Variants in NUP214 observed in about 807,000 individuals in gnomAD.
NUP214 encodes the protein nucleoporin 214.
Under a neutral mutation model 196.2 loss-of-function variants are expected in NUP214, and 79 were observed. The observed-to-expected ratio is 0.40, with a 90% CI of 0.34 to 0.49. The LOEUF is 0.49. Ranked by LOEUF, NUP214 falls within the 20% of genes least tolerant of loss-of-function variation. The pLI is 0.58. For missense variants in NUP214, 2,468 were observed against 2,539.0 expected (o/e 0.97, Z 0.60); for synonymous variants, 1,020 against 990.5 (o/e 1.03, Z -0.56).
Position 131,159,492 on chromosome 9 carries a change from T to G in NUP214, c.2540+6T>G, listed in dbSNP as rs1355596735. ...GAACAAAAGAAAAAACAAAGGTGAA[T>G]GAGATCTCTCATCTGCAATGTGTTG... On this transcript the variant is annotated splice_donor_region_variant and intron_variant, in intron 18 of 35. Coordinates refer to ENST00000359428, the MANE Select transcript of NUP214 (RefSeq NM_005085.4). The G allele has an allele frequency of 6.3e-7, 1 of 1,591,596 alleles. No homozygotes were observed. Among genetic ancestry groups the G allele is most frequent in the Non-Finnish European group, 8.6e-7 (1 of 1,159,770 alleles).
chr9:131,223,711 T>TTTTTTTATTTA (rs1554742594), intron 32 of NUP214, among the ~76,000 whole-genome samples: 1 of 27,152 alleles, frequency 3.7e-5, no homozygotes, highest in African/African-American at 9.4e-5. Flanking sequence ...TTTTTTTTAT[T>TTTTTTTATTTA]TTTATTTATT....
Position 131,146,445 on chromosome 9 carries a change from C to A in NUP214, c.1945+141C>A, listed in dbSNP as rs1832089149. 5 of 820,060 alleles carry A rather than the reference C, an allele frequency of 6.1e-6. No homozygotes were observed. The highest frequency in any genetic ancestry group is 9.6e-6 in the Non-Finnish European group (5 of 520,534). 50.8% of individuals were successfully genotyped at this position (820,060 alleles called of 1,614,324 possible). ...GTATCATACATTAATGATTAATGTG[C>A]TGTGATTTTCATACTCTGAATTGGG... On this transcript the variant is annotated intron_variant, in intron 13 of 35. Coordinates refer to ENST00000359428, the MANE Select transcript of NUP214 (RefSeq NM_005085.4). The surrounding 1 kb of genome is among the most constrained non-coding windows in gnomAD (Gnocchi z 4.6).
At position 131,234,411 on chromosome 9, in the gene NUP214, T is replaced by TA; in HGVS notation, c.*924_*925insA. The TA allele has an allele frequency of 4.3e-6, 1 of 232,418 alleles. No homozygotes were observed. The highest frequency in any genetic ancestry group is 1.8e-4 in the South Asian group (1 of 5,512). 14.4% of individuals were successfully genotyped at this position (232,418 alleles called of 1,614,324 possible). On this transcript the variant is annotated 3_prime_UTR_variant, in exon 36 of 36. Coordinates refer to ENST00000359428, the MANE Select transcript of NUP214 (RefSeq NM_005085.4). ...CGGCCCAGAGCTCATCACTGCAGTT[T>TA]TATTAGAGTGCTTCTTTATCTTTAA...
Position 131,186,819 on chromosome 9 carries a change from C to T in NUP214, c.3420-470C>T, listed in dbSNP as rs115574442. On this transcript the variant is annotated intron_variant, in intron 24 of 35. Transcript: ENST00000359428. ...TCCCTTGGATGCTGACCTGGTGAGC[C>T]CTGGAGATAGCTGCTGTGAGAAGCT... Among the ~76,000 whole-genome samples the T allele has an allele frequency of 2.3e-3, 347 of 152,240 alleles. 4 individuals are homozygous for T. Among genetic ancestry groups the T allele is most frequent in the African/African-American group, 8.0e-3 (333 of 41,536 alleles).
At chr9:131,170,136 A>G (rs1832913298) in intron 21 of NUP214, among the ~76,000 whole-genome samples, 1 of 152,178 alleles carries the variant, frequency 6.6e-6, no homozygotes, top group African/African-American at 2.4e-5. Flanking sequence ...TGTACACTTT[A>G]AAATGTGACT....
intron 30 of NUP214, among the ~76,000 whole-genome samples, chr9:131,207,392 G>A (rs565899482): frequency 1.0e-3 from 153 of 152,230 alleles, no homozygotes; most frequent in Non-Finnish European, 1.1e-3. Context: ...TCACTCTGAT[G>A]TCAGTGGTTG....
At chr9:131,149,493 A>G (rs1588132851) in intron 14 of NUP214, among the ~76,000 whole-genome samples, 1 of 148,880 alleles carries the variant, frequency 6.7e-6, no homozygotes, top group East Asian at 2.0e-4. Context: ...TCCCCAGTCC[A>G]GGCTGGCGGG....
chr9:131,228,340 C>G lies in NUP214; in HGVS notation c.6074+9C>G. On this transcript the variant is annotated intron_variant, in intron 33 of 35. Coordinates refer to ENST00000359428, the MANE Select transcript of NUP214 (RefSeq NM_005085.4). Reference sequence around the variant, plus strand: ...AGCGCAGGAGGATTCGGGTAAGCCCCCTGGGGAGGGCCCTTGGGAACCCAC... The same window carrying G: ...AGCGCAGGAGGATTCGGGTAAGCCCGCTGGGGAGGGCCCTTGGGAACCCAC... 2 of 1,574,404 alleles carry G rather than the reference C, an allele frequency of 1.3e-6. No homozygotes were observed. The highest frequency in any genetic ancestry group is 1.7e-6 in the Non-Finnish European group (2 of 1,166,882).
Position 131,139,362 on chromosome 9 carries a change from A to T in NUP214, c.1087A>T (p.Met363Leu), listed in dbSNP as rs201614000. 5 of 1,603,384 alleles carry T rather than the reference A, an allele frequency of 3.1e-6. No homozygotes were observed. The East Asian group carries it at 1.1e-4, about 36-fold the overall frequency. The change falls in exon 10 of 36, where the codon ATG (methionine) becomes TTG (leucine). Residue 363 changes from methionine to leucine, a missense_variant. By Grantham distance (15) the Met-to-Leu change is conservative (BLOSUM62 2). Around this residue, in one of 5 missense-constraint regions of NUP214, gnomAD observed 1,801 missense variants for 1,779.4 expected, o/e 1.01. Coordinates refer to ENST00000359428, the MANE Select transcript of NUP214 (RefSeq NM_005085.4). ...VTDKSDDSLP[M>L]GVVVDYTNQV... ...AGACAAGAGTGATGACTCCTTGCCCATGGGAGTTGTCGTAGACTATACAAA... is the reference window on the plus strand; with the variant it reads ...AGACAAGAGTGATGACTCCTTGCCCTTGGGAGTTGTCGTAGACTATACAAA...
intron 21 of NUP214, among the ~76,000 whole-genome samples, chr9:131,165,958 G>A (rs1284843999): frequency 6.6e-6 from 1 of 152,146 alleles, no homozygotes; most frequent in East Asian, 1.9e-4. Flanking sequence ...CTGAGGTGGG[G>A]GGTCATGGGG....
chr9:131,222,775 C>A lies in NUP214; in HGVS notation c.5750-3C>A, dbSNP rs1413427721. 1 of 1,613,162 alleles carries A rather than the reference C, an allele frequency of 6.2e-7. No individual in the cohort carries two copies. The highest frequency in any genetic ancestry group is 1.7e-5 in the Admixed American group (1 of 59,960). On this transcript the variant is annotated splice_polypyrimidine_tract_variant and splice_region_variant and intron_variant, in intron 31 of 35. Transcript: ENST00000359428. ...GACCTCCCTCACATCTTCATCTCTTCAGATACCTCTAACCTATTTGGAAAC... is the reference window on the plus strand; with the variant it reads ...GACCTCCCTCACATCTTCATCTCTTAAGATACCTCTAACCTATTTGGAAAC...
intron 2 of NUP214, 102 bp downstream of exon 2, chr9:131,127,821 C>G: frequency 4.7e-6 from 4 of 854,258 alleles, no homozygotes; most frequent in Non-Finnish European, 7.3e-6. Context: ...ATGAACACTG[C>G]TGTCAGTTTG....
intron 31 of NUP214, among the ~76,000 whole-genome samples, chr9:131,220,074 G>C (rs559015111): frequency 4.0e-4 from 61 of 152,334 alleles, no homozygotes; most frequent in African/African-American, 1.2e-3. Flanking sequence ...TGTTTTGCCA[G>C]CAGGGTGGAA....
intron 34 of NUP214, among the ~76,000 whole-genome samples, chr9:131,231,274 ACTC>A (rs1834870596): frequency 6.6e-6 from 1 of 151,584 alleles, no homozygotes; most frequent in South Asian, 2.1e-4. Context: ...CTCACTATAA[ACTC>A]CGCCTCCCGG....
intron 8 of NUP214, among the ~76,000 whole-genome samples, chr9:131,135,487 T>C (rs1246641818): frequency 6.6e-6 from 1 of 152,204 alleles, no homozygotes; most frequent in Non-Finnish European, 1.5e-5. Flanking sequence ...ATTATTTATC[T>C]TAAATACATA....
chr9:131,229,475 G>A (rs943406300), intron 33 of NUP214: 8 of 336,536 alleles, frequency 2.4e-5, no homozygotes, highest in Admixed American at 1.7e-4. Context: ...AGAAGGTTTG[G>A]GTTGGCTGGG....
intron 31 of NUP214, among the ~76,000 whole-genome samples, chr9:131,216,795 G>C (rs990536852): frequency 1.3e-5 from 2 of 152,148 alleles, no homozygotes. Context: ...CCAAAGTGCT[G>C]GGATTACAGG....
Position 131,125,886 on chromosome 9 carries a change from C to T in NUP214, c.45+137C>T. On this transcript the variant is annotated intron_variant, in intron 1 of 35. Transcript: ENST00000359428. This position sits in a 1 kb window ranked among gnomAD's most constrained non-coding sequence, Gnocchi z 4.1. ...ACCGCGTTCACAGCTCTCACCAGCG[C>T]GTCTGCCGCGCCGCTGGCGTGATAG... The T allele has an allele frequency of 1.0e-6, 1 of 960,296 alleles. No individual in the cohort carries two copies. Among genetic ancestry groups the T allele is most frequent in the Middle Eastern group, 2.9e-4 (1 of 3,394 alleles). The allele number at this position is 960,296 out of a possible 1,614,324, so 59.5% of individuals were successfully genotyped here.
intron 18 of NUP214, among the ~76,000 whole-genome samples, chr9:131,162,578 G>C (rs1487191788): frequency 6.6e-6 from 1 of 151,988 alleles, no homozygotes; most frequent in Non-Finnish European, 1.5e-5. Flanking sequence ...AGAATTAACT[G>C]ACTCCCATAG....
Sources: gnomAD v4.1 joint callset for allele counts (sites outside exome capture counted in the v4.1 genomes callset) on GRCh38, gnomAD v4.1.1 for gene constraint, gnomAD v4.1.1 regional missense constraint, Gnocchi (gnomAD v3.1) non-coding constraint, MANE v1.5 for transcripts, NCBI Gene and HGNC (gene_info 2026-07-23, HGNC 2026-07-21) for gene names.